KRT71: variants seen among roughly 807,000 people sequenced by gnomAD.
The protein encoded by KRT71 is keratin, type II cytoskeletal 71.
Under a neutral mutation model 46.2 loss-of-function variants are expected in KRT71, and 42 were observed. That is an observed-to-expected ratio of 0.91 (90% CI 0.71 to 1.18). The LOEUF (loss-of-function observed/expected upper bound fraction) is 1.18. KRT71 is among the 50% of genes most tolerant of loss of function. The probability of loss-of-function intolerance (pLI) is 0.00; values close to 1 mark genes in which losing one functional copy is unlikely to be tolerated. For synonymous variants in KRT71, 292 were observed against 277.8 expected (o/e 1.05, Z -0.51); for missense variants, 708 against 677.9 (o/e 1.04, Z -0.49).
chr12:52,547,979 G>C lies in KRT71; in HGVS notation c.982C>G (p.Gln328Glu). 1 of 1,608,986 alleles carries C rather than the reference G, an allele frequency of 6.2e-7. No homozygotes were observed. ...CTGCCAGCTGCCAGCTGAAGCTCTT[G>C]GAACTGGGGACCCCAAAGCACAGAG... Reference protein sequence around the residue: ...EAEALYQTKFQELQLAAGRHG... With the variant: ...EAEALYQTKFEELQLAAGRHG... The change falls in exon 6 of 9, where the codon CAA (glutamine) becomes GAA (glutamate). Residue 328 changes from glutamine (Q) to glutamate (E), a missense_variant. Coordinates refer to ENST00000267119, the MANE Select transcript of KRT71 (RefSeq NM_033448.3).
intron 6 of KRT71, 72 bp from the exon 7 acceptor site, chr12:52,546,578 G>A (rs1384085110): frequency 2.8e-5 from 42 of 1,474,054 alleles, no homozygotes; most frequent in Non-Finnish European, 3.7e-5. Context: ...ATCCCTCTGG[G>A]TCCTTAGAGT....
At chr12:52,545,125 A>T (rs571238842) in intron 8 of KRT71, among the ~76,000 whole-genome samples, 1 of 152,026 alleles carries the variant, frequency 6.6e-6, no homozygotes, top group East Asian at 1.9e-4. Flanking sequence ...CTCTGGTTTA[A>T]CTCTTTTAGC....
In KRT71 at chr12:52,544,699, G is replaced by A; in HGVS notation, c.1405C>T (p.Pro469Ser). ...TSGGSVYGFR[P>S]SMVSGGYVAN... ...ACATAGCCACCGCTGACCATGCTGG[G>A]CCGGAAGCCATAGACACTGCCGCCA... The change falls in exon 9 of 9, where the codon CCC (proline) becomes TCC (serine). Residue 469 changes from proline to serine, a missense_variant. By Grantham distance (74) the Pro-to-Ser change is moderately conservative. Coordinates refer to ENST00000267119, the MANE Select transcript of KRT71 (RefSeq NM_033448.3). 6.2e-7 allele frequency: 1 copy of A among 1,612,784 alleles called. No homozygotes were observed. Among genetic ancestry groups the A allele is most frequent in the South Asian group, 1.1e-5 (1 of 91,082 alleles).
At chr12:52,546,930 AC>A (rs1939067612) in intron 6 of KRT71, among the ~76,000 whole-genome samples, 1 of 152,088 alleles carries the variant, frequency 6.6e-6, no homozygotes, top group African/African-American at 2.4e-5. Flanking sequence ...GGAAGGACAC[AC>A]CCCGGGAGCA....
Position 52,552,767 on chromosome 12 carries a change from T to G in KRT71, c.311A>C (p.Gln104Pro). 6.2e-7 allele frequency: 1 copy of G among 1,614,166 alleles called. No individual in the cohort carries two copies. The highest frequency in any genetic ancestry group is 8.5e-7 in the Non-Finnish European group (1 of 1,180,002). The change falls in exon 1 of 9, where the codon CAG (glutamine) becomes CCG (proline). Residue 104 changes from glutamine (Q) to proline (P), a missense_variant. Transcript: ENST00000267119. ...PTVCPPGGIH[Q>P]VTVNESLLAP... ...CAGGAGGCTCTCATTGACGGTAACC[T>G]GGTGGATGCCTCCAGGTGGGCATAC...
chr12:52,545,701 A>G (rs1165642213), intron 7 of KRT71, 102 bp from the exon 8 acceptor site: 1 of 704,432 alleles, frequency 1.4e-6, no homozygotes, highest in Non-Finnish European at 2.4e-6. Flanking sequence ...TTTGGACCCA[A>G]CAGGCACCTG....
chr12:52,548,175 C>T lies in KRT71; in HGVS notation c.955G>A (p.Ala319Thr). 1 of 1,613,800 alleles carries T rather than the reference C, an allele frequency of 6.2e-7. No individual in the cohort carries two copies. The highest frequency in any genetic ancestry group is 8.5e-7 in the Non-Finnish European group (1 of 1,179,780). The change falls in exon 5 of 9, where the codon GCT becomes ACT. Residue 319 changes from alanine (A) to threonine (T), a missense_variant. Transcript: ENST00000267119. ...ACCTTGGTCTGGTACAGGGCCTCAG[C>T]CTCGGCCTTACTCTTCAAGGCAATC... ...EEIALKSKAE[A>T]EALYQTKFQE... is the part of the protein sequence containing the mutation.
At chr12:52,548,993 G>T (rs116792624) in intron 3 of KRT71, among the ~76,000 whole-genome samples, 197 bp from the exon 4 acceptor site, 6 of 152,040 alleles carry the variant, frequency 3.9e-5, no homozygotes, top group Non-Finnish European at 8.8e-5. Context: ...GGAATGAAGC[G>T]CCTGTGGTGT....
At chr12:52,544,839 G>GT (rs1223116450) in intron 8 of KRT71, 96 bp from the exon 9 acceptor site, 2 of 1,025,818 alleles carry the variant, frequency 1.9e-6, no homozygotes, top group Admixed American at 4.0e-5. Flanking sequence ...GAGAAGCTGA[G>GT]TGGGGAGGTG....
rs1173587605 is a variant in KRT71 at position 52,549,221 on chromosome 12, A to G, written c.717+72T>C. ...AGTTCACCTTGAGGGGGGCTAACAG[A>G]GCACCTTGGCAGGCTCTGTTCCTCC... On this transcript the variant is annotated intron_variant, in intron 3 of 8. Transcript: ENST00000267119. 4.3e-6 allele frequency: 5 copies of G among 1,173,486 alleles called. No homozygotes were observed. The African/African-American group carries it at 4.5e-5, about 11-fold the overall frequency. The allele number at this position is 1,173,486 out of a possible 1,614,324, so 72.7% of individuals were successfully genotyped here.
intron 2 of KRT71, 29 bp downstream of exon 2, chr12:52,550,000 C>T (rs772815672): frequency 1.9e-6 from 3 of 1,612,818 alleles, no homozygotes; most frequent in Non-Finnish European, 2.5e-6. Flanking sequence ...GGGCAGTTGT[C>T]CAGTTACAGG....
chr12:52,545,754 G>T (rs1292352114), intron 7 of KRT71, among the ~76,000 whole-genome samples, 155 bp from the exon 8 acceptor site: 2 of 152,220 alleles, frequency 1.3e-5, no homozygotes, highest in Admixed American at 1.3e-4. Context: ...AGCCTGAGAA[G>T]TTTTGGAGAC....
chr12:52,544,733 G>A lies in KRT71; in HGVS notation c.1371C>T (p.Ser457=). 1 of 1,610,934 alleles carries A rather than the reference G, an allele frequency of 6.2e-7. No homozygotes were observed. The highest frequency in any genetic ancestry group is 8.5e-7 in the Non-Finnish European group (1 of 1,179,328). ...FPSPVSISII[S]STSGGSVYGF... is the part of the protein sequence containing the mutation. ...CATAGACACTGCCGCCACTGGTGCT[G>A]CTGATGATGGCTGCAGGAGGAGCCG... Residue 457 remains serine (S), a synonymous_variant, in exon 9 of 9, where the codon AGC becomes AGT. Coordinates refer to ENST00000267119, the MANE Select transcript of KRT71 (RefSeq NM_033448.3).
chr12:52,544,208 C>A lies in KRT71; in HGVS notation c.*324G>T. On this transcript the variant is annotated 3_prime_UTR_variant, in exon 9 of 9. Transcript: ENST00000267119. ...GCCTTGGGCAGAGACCCAGGGAGCC[C>A]AGCAGAGTAGTTAGCGACTGCGCTA... is the stretch of plus-strand genomic sequence containing the variant. The A allele has an allele frequency of 2.4e-6, 1 of 409,836 alleles. No individual in the cohort carries two copies. The highest frequency in any genetic ancestry group is 2.6e-5 in the South Asian group (1 of 37,816). The allele number at this position is 409,836 out of a possible 1,614,324, so 25.4% of individuals were successfully genotyped here.
At position 52,548,731 on chromosome 12, in the gene KRT71, C is replaced by G; in HGVS notation, c.783G>C (p.Glu261Asp). The change falls in exon 4 of 9, where the codon GAG (glutamate) becomes GAC (aspartate). Residue 261 changes from glutamate to aspartate, a missense_variant. By Grantham distance (45) the Glu-to-Asp change is conservative (BLOSUM62 2). Transcript: ENST00000267119. ...CAAAGAGACACCTGAAGAACTTGAT[C>G]TCCTGGTCCATGGATTCCACCTTGG... ...LQAKVESMDQ[E>D]IKFFRCLFEA... 6.2e-7 allele frequency: 1 copy of G among 1,614,198 alleles called. No homozygotes were observed. The highest frequency in any genetic ancestry group is 8.5e-7 in the Non-Finnish European group (1 of 1,180,020).
intron 6 of KRT71, 135 bp from the exon 7 acceptor site, chr12:52,546,641 C>T (rs2120561117): frequency 1.2e-6 from 1 of 851,428 alleles, no homozygotes; most frequent in East Asian, 2.7e-5. Flanking sequence ...TTCCTTGCAG[C>T]AGAGCCCCTT....
At position 52,552,633 on chromosome 12, in the gene KRT71, C is replaced by T. The variant is rs147077416; in HGVS notation, c.441+4G>A. ...ACAAGTTCCCCAGGCCCTAGAAGACCCACCTTGTCGATGAAGGAGGCGAAC... is the reference window on the plus strand; with the variant it reads ...ACAAGTTCCCCAGGCCCTAGAAGACTCACCTTGTCGATGAAGGAGGCGAAC... On this transcript the variant is annotated splice_donor_region_variant and intron_variant, in intron 1 of 8. Transcript: ENST00000267119. The T allele has an allele frequency of 6.8e-6, 11 of 1,607,122 alleles. No homozygotes were observed. In the African/African-American group the frequency reaches 1.2e-4, roughly 18 times the overall value.
chr12:52,549,998 G>T (rs959074983), intron 2 of KRT71, 31 bp downstream of exon 2: 3 of 1,612,482 alleles, frequency 1.9e-6, no homozygotes, highest in Admixed American at 3.3e-5. Flanking sequence ...AAGGGCAGTT[G>T]TCCAGTTACA....
At position 52,544,610 on chromosome 12, in the gene KRT71, C is replaced by T. The variant is rs1939025383; in HGVS notation, c.1494G>A (p.Arg498=). The change falls in exon 9 of 9, where the codon CGG becomes CGA. Residue 498 remains arginine (R), a synonymous_variant. Transcript: ENST00000267119. The stretch of plus-strand genomic sequence containing the variant: ...TGTCTTTGTAATCGTTGGCACTGCC[C>T]CGGCTCCTGCCCTCCCCGCCTCTCA... The part of the protein sequence containing the change: ...CSVRGGEGRS[R]GSANDYKDTL... 1 of 1,613,954 alleles carries T rather than the reference C, an allele frequency of 6.2e-7. No individual in the cohort carries two copies. Among genetic ancestry groups the T allele is most frequent in the African/African-American group, 1.3e-5 (1 of 74,904 alleles).
Sources: gnomAD v4.1 joint callset for allele counts (sites outside exome capture counted in the v4.1 genomes callset) on GRCh38, gnomAD v4.1.1 for gene constraint, MANE v1.5 for transcripts, NCBI Gene and HGNC (gene_info 2026-07-23, HGNC 2026-07-21) for gene names.